Variants in NUCKS1 observed in about 807,000 individuals in gnomAD.
NUCKS1 encodes nuclear ubiquitous casein and cyclin-dependent kinase substrate 1.
In NUCKS1, 2 loss-of-function variants were observed where a neutral mutation model predicts 33.0. The observed-to-expected ratio is 0.06, with a 90% CI of 0.02 to 0.19. NUCKS1 has a LOEUF of 0.19. Ranked by LOEUF, NUCKS1 falls within the 10% of genes least tolerant of loss-of-function variation. NUCKS1 has a pLI of 1.00. For synonymous variants in NUCKS1, 106 were observed against 102.8 expected, an observed-to-expected ratio of 1.03 and a Z score of -0.19; for missense variants, 201 against 293.6, an observed-to-expected ratio of 0.68 and a Z score of 2.31.
In NUCKS1 at chr1:205,719,632, C is replaced by T. The variant is rs1671886275; in HGVS notation, c.427G>A (p.Asp143Asn). ...DEDFLMEDDD[D>N]SDYGSSKKKN... ...TTTTTCGAACTGCCATAGTCACTATCGTCATCATCTTCCATTAGGAAATCT... is the reference window on the plus strand; with the variant it reads ...TTTTTCGAACTGCCATAGTCACTATTGTCATCATCTTCCATTAGGAAATCT... Residue 143 changes from aspartate (D) to asparagine (N), a missense_variant, in exon 6 of 7, where the codon GAT becomes AAT. Physicochemically the swap from Asp to Asn is conservative, Grantham distance 23. Coordinates refer to ENST00000367142, the MANE Select transcript of NUCKS1 (RefSeq NM_022731.5). 3.1e-6 allele frequency: 5 copies of T among 1,613,476 alleles called. No individual in the cohort carries two copies. The highest frequency in any genetic ancestry group is 4.2e-6 in the Non-Finnish European group (5 of 1,179,790).
At chr1:205,740,597 G>A (rs996554577) in intron 1 of NUCKS1, among the ~76,000 whole-genome samples, 1 of 151,876 alleles carries the variant, frequency 6.6e-6, no homozygotes, top group Admixed American at 6.6e-5. Context: ...GCGACAGATT[G>A]AGACCCCATC....
chr1:205,727,660 G>T, intron 3 of NUCKS1, 40 bp downstream of exon 3: 3 of 1,312,448 alleles, frequency 2.3e-6, no homozygotes, highest in South Asian at 2.4e-5. Flanking sequence ...TCTCAGAGTG[G>T]TAACAGTGTA....
intron 6 of NUCKS1, among the ~76,000 whole-genome samples, chr1:205,718,696 C>A (rs986574724): frequency 6.6e-6 from 1 of 152,178 alleles, no homozygotes; most frequent in Admixed American, 6.5e-5. Flanking sequence ...TACAGTATTT[C>A]CCATCAGTTT....
intron 5 of NUCKS1, 159 bp from the exon 6 acceptor site, chr1:205,719,835 C>T: frequency 3.0e-6 from 2 of 660,520 alleles, no homozygotes; most frequent in South Asian, 5.6e-5. Context: ...GGAGTCATCA[C>T]TGGCCTCATT....
At chr1:205,720,254 AGT>A (rs1671897108) in intron 5 of NUCKS1, among the ~76,000 whole-genome samples, 3 of 152,206 alleles carry the variant, frequency 2.0e-5, no homozygotes, top group Non-Finnish European at 4.4e-5. Context: ...TTGTTCATTC[AGT>A]GTTTGAACAC....
At chr1:205,741,326 A>C (rs1558055681) in intron 1 of NUCKS1, among the ~76,000 whole-genome samples, 2 of 151,412 alleles carry the variant, frequency 1.3e-5, no homozygotes, top group African/African-American at 4.9e-5. Context: ...AAAAGAAAAG[A>C]AAAGAAAGAA....
At chr1:205,720,386 C>T in intron 5 of NUCKS1, 115 bp downstream of exon 5, 2 of 994,124 alleles carry the variant, frequency 2.0e-6, no homozygotes, top group East Asian at 2.4e-5. Flanking sequence ...GGAGTATCTA[C>T]CCAATTTAAG....
chr1:205,729,231 A>G (rs1653850446), intron 2 of NUCKS1, among the ~76,000 whole-genome samples: 1 of 152,190 alleles, frequency 6.6e-6, no homozygotes, highest in South Asian at 2.1e-4. Flanking sequence ...GGCCTCCCAA[A>G]GTGCTGGGAT....
At chr1:205,738,440 A>ATTT (rs34617208) in intron 1 of NUCKS1, among the ~76,000 whole-genome samples, 5 of 140,766 alleles carry the variant, frequency 3.6e-5, no homozygotes, top group Non-Finnish European at 6.1e-5. Flanking sequence ...TGCCCAGCTA[A>ATTT]TTTTTTTTTT....
intron 1 of NUCKS1, among the ~76,000 whole-genome samples, chr1:205,746,443 T>TCACACACACA (rs759670793): frequency 3.7e-4 from 26 of 70,168 alleles, no homozygotes; most frequent in Non-Finnish European, 6.8e-4. Flanking sequence ...CACTTCTCTC[T>TCACACACACA]CTCTCTCTCT....
chr1:205,720,438 A>G, intron 5 of NUCKS1, 63 bp downstream of exon 5: 2 of 1,552,222 alleles, frequency 1.3e-6, no homozygotes, highest in Admixed American at 2.0e-5. Flanking sequence ...ATGCCAAAGT[A>G]ACCAAGGTCA....
chr1:205,746,721 C>G (rs916137512), intron 1 of NUCKS1, among the ~76,000 whole-genome samples: 64 of 152,098 alleles, frequency 4.2e-4, no homozygotes, highest in African/African-American at 1.4e-3. Flanking sequence ...CTGGGAAAGC[C>G]GTTAATTCTC....
intron 1 of NUCKS1, among the ~76,000 whole-genome samples, chr1:205,739,413 T>C (rs971197077): frequency 4.6e-5 from 7 of 152,206 alleles, no homozygotes; most frequent in Non-Finnish European, 1.0e-4. Context: ...AAATCTCACA[T>C]GCAAGATTTT....
intron 1 of NUCKS1, among the ~76,000 whole-genome samples, chr1:205,733,341 A>T (rs1653961275): frequency 6.6e-6 from 1 of 152,250 alleles, no homozygotes; most frequent in African/African-American, 2.4e-5. Flanking sequence ...AAGGAGTAGT[A>T]GAGGTACAGC....
intron 1 of NUCKS1, among the ~76,000 whole-genome samples, chr1:205,749,518 C>T (rs1302167572): frequency 6.6e-6 from 1 of 151,984 alleles, no homozygotes; most frequent in Non-Finnish European, 1.5e-5. Flanking sequence ...GGGGAAGGGG[C>T]AATACGGGTG....
At chr1:205,748,989 C>A (rs1467292276) in intron 1 of NUCKS1, among the ~76,000 whole-genome samples, 1 of 152,142 alleles carries the variant, frequency 6.6e-6, no homozygotes, top group Non-Finnish European at 1.5e-5. Flanking sequence ...TAGGACGATT[C>A]CACCGACAGC....
chr1:205,714,746 T>A lies in NUCKS1; in HGVS notation c.*3534A>T, dbSNP rs1002650345. 6.6e-6 allele frequency: 1 copy of A among 152,178 alleles called. No homozygotes were observed. The highest frequency in any genetic ancestry group is 1.5e-5 in the Non-Finnish European group (1 of 68,038). The allele number at this position is 152,178 out of a possible 1,614,324, so 9.4% of individuals were successfully genotyped here. A position where few individuals can be genotyped will look rare whatever the true frequency, so the allele number is the denominator to read the frequency against. ...ATTTTCCCTATCCTATGGCAGGAAA[T>A]GCGTATTACTTCTGTTCTGTTTAAG... On this transcript the variant is annotated 3_prime_UTR_variant, in exon 7 of 7. Coordinates refer to ENST00000367142, the MANE Select transcript of NUCKS1 (RefSeq NM_022731.5).
chr1:205,717,905 G>A lies in NUCKS1; in HGVS notation c.*375C>T. On this transcript the variant is annotated 3_prime_UTR_variant, in exon 7 of 7. Coordinates refer to ENST00000367142, the MANE Select transcript of NUCKS1 (RefSeq NM_022731.5). ...TTTAGCAAAAAGCGAAGTTTCAATA[G>A]TGTTCATCTCAAATCTTATTGCTTT... 1.0e-6 allele frequency: 1 copy of A among 990,990 alleles called. No individual in the cohort carries two copies. The highest frequency in any genetic ancestry group is 1.2e-6 in the Non-Finnish European group (1 of 833,838). 61.4% of individuals were successfully genotyped at this position (990,990 alleles called of 1,614,324 possible).
chr1:205,749,558 G>A (rs1321413004), intron 1 of NUCKS1, among the ~76,000 whole-genome samples: 7 of 151,912 alleles, frequency 4.6e-5, no homozygotes, highest in African/African-American at 1.4e-4. Context: ...AAGGTGGGGA[G>A]TGGAGCTCGA....
Sources: gnomAD v4.1 joint callset for allele counts (sites outside exome capture counted in the v4.1 genomes callset) on GRCh38, gnomAD v4.1.1 for gene constraint, MANE v1.5 for transcripts, NCBI Gene and HGNC (gene_info 2026-07-23, HGNC 2026-07-21) for gene names.